Variants in CDH18 observed in about 807,000 individuals in gnomAD.
CDH18 encodes cadherin 18.
Under a neutral mutation model 67.9 loss-of-function variants are expected in CDH18, and 31 were observed. That is an observed-to-expected ratio of 0.46 (90% CI 0.34 to 0.62). The LOEUF (loss-of-function observed/expected upper bound fraction) is 0.62. Among genes scored for constraint, CDH18 ranks in the 20% least tolerant of loss-of-function variants. The pLI is 0.01. For missense variants in CDH18, 890 were observed against 975.5 expected, an observed-to-expected ratio of 0.91 and a Z score of 1.17; for synonymous variants, 362 against 347.2, an observed-to-expected ratio of 1.04 and a Z score of -0.48.
intron 11 of CDH18, among the ~76,000 whole-genome samples, chr5:19,492,232 A>T (rs1561188035): frequency 6.6e-6 from 1 of 152,166 alleles, no homozygotes; most frequent in Non-Finnish European, 1.5e-5. Context: ...CCGGAGAATT[A>T]GGTTGGCAAA....
At chr5:20,178,430 T>C (rs992603738) in intron 2 of CDH18, among the ~76,000 whole-genome samples, 1 of 151,966 alleles carries the variant, frequency 6.6e-6, no homozygotes, top group African/African-American at 2.4e-5. Context: ...TTTCTCATTT[T>C]CAACAATATT....
intron 2 of CDH18, among the ~76,000 whole-genome samples, chr5:20,233,817 C>T (rs902091704): frequency 1.3e-4 from 20 of 152,098 alleles, no homozygotes; most frequent in African/African-American, 4.6e-4. Context: ...TCTCCTGCCC[C>T]AATTTTTATA....
Position 19,537,799 on chromosome 5 carries a change from T to C in CDH18, c.1390+6070A>G, listed in dbSNP as rs555652171. Among the ~76,000 whole-genome samples the C allele has an allele frequency of 2.0e-5, 3 of 152,324 alleles. No homozygotes were observed. In the South Asian group the frequency reaches 6.2e-4, roughly 32 times the overall value. On this transcript the variant is annotated intron_variant, in intron 9 of 12. Coordinates refer to ENST00000382275, the MANE Select transcript of CDH18 (RefSeq NM_004934.5). ...CAAAGGCAAAATAATATTCTCAATA[T>C]CCCTGGTGTCTAAAATACCACACTG...
chr5:19,612,678 T>C (rs1462625908), intron 5 of CDH18, 77 bp from the exon 6 acceptor site: 6 of 1,079,942 alleles, frequency 5.6e-6, no homozygotes, highest in Non-Finnish European at 6.8e-6. Flanking sequence ...ATACATATTT[T>C]AAGAAATGTC....
At chr5:20,312,099 C>T (rs1737049891) in intron 1 of CDH18, among the ~76,000 whole-genome samples, 6 of 152,042 alleles carry the variant, frequency 3.9e-5, no homozygotes. Context: ...ATTCTTTTTC[C>T]CTCTGTCACA....
At position 19,849,745 on chromosome 5, in the gene CDH18, TATATATACACGCATATATATAAAC is replaced by T. The variant is rs1561437873; in HGVS notation, c.-256-10527_-256-10504del. Among the ~76,000 whole-genome samples, 777 of 77,728 alleles carry T rather than the reference TATATATACACGCATATATATAAAC, an allele frequency of 1.0e-2. 23 individuals are homozygous for T. The highest frequency in any genetic ancestry group is 0.016 in the Middle Eastern group (3 of 186). The allele number at this position is 77,728 out of a possible 152,430, so 51.0% of individuals were successfully genotyped here. A position where few individuals can be genotyped will look rare whatever the true frequency, so the allele number is the denominator to read the frequency against. Reference sequence around the variant, plus strand: ...ATATATACACGCATATATATAAACATATATATACACGCATATATATAAACATATATATATATATGAACATATATA... The same window carrying T: ...ATATATACACGCATATATATAAACATATATATATATATATGAACATATATA... On this transcript the variant is annotated intron_variant, in intron 2 of 12. Coordinates refer to ENST00000382275, the MANE Select transcript of CDH18 (RefSeq NM_004934.5).
chr5:20,319,994 G>T (rs1020604243), intron 1 of CDH18, among the ~76,000 whole-genome samples: 8 of 152,030 alleles, frequency 5.3e-5, no homozygotes, highest in African/African-American at 1.9e-4. Flanking sequence ...TATTCTCTCT[G>T]ATTCCAAAGA....
intron 1 of CDH18, among the ~76,000 whole-genome samples, chr5:20,427,340 AT>A (rs905905671): frequency 6.6e-6 from 1 of 151,264 alleles, no homozygotes; most frequent in Admixed American, 6.6e-5. Context: ...AGAAACAAAT[AT>A]TTGAAGACAG....
intron 2 of CDH18, among the ~76,000 whole-genome samples, chr5:19,899,657 T>A (rs900460333): frequency 6.6e-6 from 1 of 152,158 alleles, no homozygotes; most frequent in African/African-American, 2.4e-5. Flanking sequence ...CTATGCTCAT[T>A]GCAGCACTAT....
chr5:20,531,260 G>T (rs530481702), intron 1 of CDH18, among the ~76,000 whole-genome samples: 1 of 152,196 alleles, frequency 6.6e-6, no homozygotes, highest in African/African-American at 2.4e-5. Context: ...TGAGGTTGTG[G>T]AAAAATAGGA....
At chr5:20,054,742 T>C (rs540647048) in intron 2 of CDH18, among the ~76,000 whole-genome samples, 213 of 152,322 alleles carry the variant, frequency 1.4e-3, no homozygotes, top group African/African-American at 4.8e-3. Context: ...CTCTCAATTT[T>C]TTAGTTACCT....
chr5:19,843,466 G>C (rs939900474), intron 2 of CDH18, among the ~76,000 whole-genome samples: 32 of 149,788 alleles, frequency 2.1e-4, no homozygotes, highest in South Asian at 1.5e-3. Context: ...GATTTCAGAG[G>C]ATGTATAGGA....
chr5:19,786,584 A>C (rs1775796892), intron 3 of CDH18, among the ~76,000 whole-genome samples: 1 of 152,202 alleles, frequency 6.6e-6, no homozygotes, highest in African/African-American at 2.4e-5. Context: ...AAAGATAAAA[A>C]TAATATCATA....
At chr5:19,985,300 T>C (rs976669138) in intron 1 of CDH18, among the ~76,000 whole-genome samples, 1 of 152,136 alleles carries the variant, frequency 6.6e-6, no homozygotes, top group Non-Finnish European at 1.5e-5. Context: ...GACTGGGCAG[T>C]TGCCTACTCA....
intron 4 of CDH18, among the ~76,000 whole-genome samples, chr5:19,736,588 T>A (rs951667185): frequency 6.6e-6 from 1 of 152,206 alleles, no homozygotes; most frequent in African/African-American, 2.4e-5. Context: ...GTTGCATAGT[T>A]ATATTTTTCT....
At chr5:19,969,035 A>T (rs1320295128) in intron 2 of CDH18, among the ~76,000 whole-genome samples, 1 of 137,666 alleles carries the variant, frequency 7.3e-6, no homozygotes. Context: ...TGGGCAAAGG[A>T]CATGAACAGA....
At chr5:19,547,229 C>T (rs1056034845) in intron 8 of CDH18, among the ~76,000 whole-genome samples, 2 of 152,168 alleles carry the variant, frequency 1.3e-5, no homozygotes, top group East Asian at 1.9e-4. Context: ...GGACAGCATC[C>T]TTTAACATGT....
At chr5:19,759,550 T>C (rs1366015688) in intron 3 of CDH18, among the ~76,000 whole-genome samples, 2 of 152,130 alleles carry the variant, frequency 1.3e-5, no homozygotes, top group African/African-American at 4.8e-5. Flanking sequence ...CTGGGCCCAC[T>C]GTAAGTCAGA....
chr5:20,391,213 A>G (rs1327476328), intron 1 of CDH18, among the ~76,000 whole-genome samples: 1 of 152,144 alleles, frequency 6.6e-6, no homozygotes, highest in African/African-American at 2.4e-5. Flanking sequence ...TATATATAAC[A>G]TAAACACATA....
Sources: allele counts gnomAD v4.1 joint callset (sites outside exome capture counted in the v4.1 genomes callset), GRCh38; gene constraint gnomAD v4.1.1; transcripts MANE v1.5; gene names NCBI Gene and HGNC (gene_info 2026-07-23, HGNC 2026-07-21).